ELL: variants seen among roughly 807,000 people sequenced by gnomAD.
ELL encodes the protein elongation factor for RNA polymerase II, also known as RNA polymerase II elongation factor ELL.
A neutral mutation model predicts 64.0 loss-of-function variants in ELL; 18 were observed. The observed-to-expected ratio is 0.28, with a 90% CI of 0.19 to 0.42. ELL has a LOEUF of 0.42. Among genes scored for constraint, ELL ranks in the 10% least tolerant of loss-of-function variants. The probability of loss-of-function intolerance (pLI) is 1.00; values close to 1 mark genes in which losing one functional copy is unlikely to be tolerated. For missense variants in ELL, 797 were observed against 870.4 expected (o/e 0.92, Z 1.06); for synonymous variants, 399 against 376.2 (o/e 1.06, Z -0.70).
rs1974373995 is a variant in ELL, at chr19:18,444,737, C to A, written c.*15G>T. 3 of 1,589,548 alleles carry A rather than the reference C, an allele frequency of 1.9e-6. No individual in the cohort carries two copies. The highest frequency in any genetic ancestry group is 2.6e-6 in the Non-Finnish European group (3 of 1,170,812). On this transcript the variant is annotated 3_prime_UTR_variant, in exon 12 of 12. Coordinates refer to ENST00000262809, the MANE Select transcript of ELL (RefSeq NM_006532.4). ...TCCCCCGACCCTCCCAGATCCCCGC[C>A]ATCGGGGAGGGCGGCTAGGGCCAAG... is the stretch of plus-strand genomic sequence containing the variant.
intron 1 of ELL, among the ~76,000 whole-genome samples, chr19:18,512,529 T>C (rs780953718): frequency 2.0e-4 from 29 of 143,348 alleles, no homozygotes; most frequent in Non-Finnish European, 3.7e-4. Context: ...GTACCAGCTA[T>C]TTAGGAGGCT....
At chr19:18,462,545 G>A (rs1350211794) in intron 4 of ELL, among the ~76,000 whole-genome samples, 1 of 151,856 alleles carries the variant, frequency 6.6e-6, no homozygotes, top group Non-Finnish European at 1.5e-5. Context: ...CACCATGCCT[G>A]GCTAATTTAT....
chr19:18,460,431 C>T (rs1382010541), intron 5 of ELL, among the ~76,000 whole-genome samples: 1 of 152,222 alleles, frequency 6.6e-6, no homozygotes, highest in East Asian at 1.9e-4. Context: ...CCAAAGTCAC[C>T]TGGAGAAGCC....
chr19:18,450,174 G>C (rs1600423934), intron 8 of ELL, among the ~76,000 whole-genome samples: 1 of 152,340 alleles, frequency 6.6e-6, no homozygotes, highest in East Asian at 1.9e-4. Context: ...ATTCCTCTCT[G>C]CATGTTAGCC....
At position 18,465,978 on chromosome 19, in the gene ELL, G is replaced by A. The variant is rs1053465397; in HGVS notation, c.184-60C>T. ...CCTCGGCAGGACAGGTCCCCAGCCT[G>A]CATCTTCCTGCATGAGTCCCCACAG... On this transcript the variant is annotated intron_variant, in intron 2 of 11. Coordinates refer to ENST00000262809, the MANE Select transcript of ELL (RefSeq NM_006532.4). The A allele has an allele frequency of 8.8e-6, 11 of 1,246,724 alleles. No homozygotes were observed. The African/African-American group carries it at 1.7e-4, about 19-fold the overall frequency. 77.2% of individuals were successfully genotyped at this position (1,246,724 alleles called of 1,614,324 possible).
In ELL at chr19:18,449,294, A is replaced by T. The variant is rs1033427899; in HGVS notation, c.1465+1183T>A. ...AGATCCTGCCATTTGATCGTGGCCC[A>T]GGTCTGGCTGTGGGGTGTGGGTGTG... On this transcript the variant is annotated intron_variant, in intron 8 of 11. Coordinates refer to ENST00000262809, the MANE Select transcript of ELL (RefSeq NM_006532.4). The surrounding 1 kb of genome is among the most constrained non-coding windows in gnomAD (Gnocchi z 4.4). 6.6e-6 allele frequency among the ~76,000 whole-genome samples: 1 copy of T among 152,090 alleles called. No homozygotes were observed. The highest frequency in any genetic ancestry group is 1.5e-5 in the Non-Finnish European group (1 of 68,004).
rs1974338663 is a variant in ELL, at chr19:18,443,536, TG to T, written c.*1215del. 1 of 233,300 alleles carries T rather than the reference TG, an allele frequency of 4.3e-6. No individual in the cohort carries two copies. Among genetic ancestry groups the T allele is most frequent in the Non-Finnish European group, 8.5e-6 (1 of 118,044 alleles). The allele number at this position is 233,300 out of a possible 1,614,324, so 14.5% of individuals were successfully genotyped here. Reference sequence around the variant, plus strand: ...AGTCATGGCTTCATTCAGCCCTAAATGGGAACACACGCCTCAGACCCCACCA... The same window carrying T: ...AGTCATGGCTTCATTCAGCCCTAAATGGAACACACGCCTCAGACCCCACCA... On this transcript the variant is annotated 3_prime_UTR_variant, in exon 12 of 12. Coordinates refer to ENST00000262809, the MANE Select transcript of ELL (RefSeq NM_006532.4).
intron 1 of ELL, among the ~76,000 whole-genome samples, chr19:18,479,307 C>G (rs1365711987): frequency 1.3e-5 from 2 of 152,126 alleles, no homozygotes; most frequent in South Asian, 2.1e-4. Context: ...GACCCTGCCA[C>G]GGGAAGCGAC....
At chr19:18,476,358 T>A (rs1352421855) in intron 1 of ELL, among the ~76,000 whole-genome samples, 1 of 152,160 alleles carries the variant, frequency 6.6e-6, no homozygotes, top group Non-Finnish European at 1.5e-5. Flanking sequence ...TGAGGCCAGT[T>A]AGGGTGACAA....
intron 1 of ELL, among the ~76,000 whole-genome samples, chr19:18,504,367 C>G (rs1028885950): frequency 1.3e-5 from 2 of 152,210 alleles, no homozygotes; most frequent in African/African-American, 2.4e-5. Flanking sequence ...TGATTGAAAT[C>G]CATGACGCGT....
At chr19:18,453,371 G>A (rs140594793) in intron 6 of ELL, among the ~76,000 whole-genome samples, 1 of 152,312 alleles carries the variant, frequency 6.6e-6, no homozygotes, top group East Asian at 1.9e-4. Flanking sequence ...CTATACAAAT[G>A]GCTAAAAGCA....
chr19:18,516,749 T>C (rs554437551), intron 1 of ELL, among the ~76,000 whole-genome samples: 1 of 152,020 alleles, frequency 6.6e-6, no homozygotes, highest in South Asian at 2.1e-4. Context: ...AGGAAGAGAA[T>C]CTGGAACTCA....
intron 10 of ELL, 200 bp from the exon 11 acceptor site, chr19:18,445,468 C>A: frequency 2.4e-6 from 1 of 414,688 alleles, no homozygotes. Context: ...TGCCGGGTCC[C>A]CTGGAGGCAA....
intron 1 of ELL, among the ~76,000 whole-genome samples, chr19:18,496,730 G>C (rs1230128705): frequency 6.6e-6 from 1 of 152,214 alleles, no homozygotes; most frequent in Non-Finnish European, 1.5e-5. Context: ...CCTTGCCAAG[G>C]CCAGGCGGGT....
At chr19:18,472,904 A>T in intron 1 of ELL, 22 bp from the exon 2 acceptor site, 1 of 1,563,450 alleles carries the variant, frequency 6.4e-7, no homozygotes, top group Non-Finnish European at 8.6e-7. Flanking sequence ...AAAAAAAAAA[A>T]AAAAAGGTGA....
At position 18,465,568 on chromosome 19, in the gene ELL, C is replaced by T. The variant is rs138754340; in HGVS notation, c.313G>A (p.Glu105Lys). Residue 105 changes from glutamate to lysine, a missense_variant, in exon 4 of 12, where the codon GAA (glutamate) becomes AAA (lysine). Glu to Lys is a moderately conservative substitution (Grantham distance 56). Coordinates refer to ENST00000262809, the MANE Select transcript of ELL (RefSeq NM_006532.4). ...CTGCCCAGGCAGTCCAGGTGAACTT[C>T]CCCATGACTGCAAGACAAGGCCAGG... ...CIQQYVSSHGEVHLDCLGSIQ... is the reference protein window; with the variant it reads ...CIQQYVSSHGKVHLDCLGSIQ... 13 of 1,590,978 alleles carry T rather than the reference C, an allele frequency of 8.2e-6. No homozygotes were observed. Among genetic ancestry groups the T allele is most frequent in the Middle Eastern group, 1.7e-4 (1 of 6,000 alleles).
intron 1 of ELL, among the ~76,000 whole-genome samples, chr19:18,496,958 T>C (rs1459011663): frequency 1.3e-5 from 2 of 152,232 alleles, no homozygotes; most frequent in Non-Finnish European, 2.9e-5. Flanking sequence ...CCGGTGGACA[T>C]GCAAAATGGT....
chr19:18,469,016 G>GC (rs1975008207), intron 2 of ELL, among the ~76,000 whole-genome samples: 1 of 152,118 alleles, frequency 6.6e-6, no homozygotes, highest in African/African-American at 2.4e-5. Flanking sequence ...GTAGACATCT[G>GC]CCCCCCAAAC....
chr19:18,504,040 C>A (rs1600496674), intron 1 of ELL, among the ~76,000 whole-genome samples: 5 of 152,264 alleles, frequency 3.3e-5, no homozygotes, highest in Non-Finnish European at 7.3e-5. Context: ...TCCTCGGCAT[C>A]CAGGGAGGCC....
Sources: gnomAD v4.1 joint callset for allele counts (sites outside exome capture counted in the v4.1 genomes callset) on GRCh38, gnomAD v4.1.1 for gene constraint, Gnocchi (gnomAD v3.1) non-coding constraint, MANE v1.5 for transcripts, NCBI Gene and HGNC (gene_info 2026-07-23, HGNC 2026-07-21) for gene names.